Variants in MEI4 observed in about 807,000 individuals in gnomAD.
The protein encoded by MEI4 is meiosis-specific protein MEI4.
In MEI4, 27 loss-of-function variants were observed where a neutral mutation model predicts 31.4. The ratio of observed to expected loss-of-function variants is 0.86; its 90% CI spans 0.63 to 1.19. The LOEUF is 1.19. MEI4 is among the 50% of genes most tolerant of loss of function. The probability of loss-of-function intolerance (pLI) is 0.00; values close to 1 mark genes in which losing one functional copy is unlikely to be tolerated. For synonymous variants in MEI4, 122 were observed against 145.4 expected (o/e 0.84, Z 1.16); for missense variants, 329 against 398.9 (o/e 0.82, Z 1.49).
At chr6:77,751,811 A>C (rs1286547774) in intron 2 of MEI4, among the ~76,000 whole-genome samples, 1 of 152,112 alleles carries the variant, frequency 6.6e-6, no homozygotes, top group African/African-American at 2.4e-5. Context: ...GAGACACAAC[A>C]AAAAAAGAAA....
chr6:77,790,642 G>A (rs1199812203), intron 3 of MEI4, among the ~76,000 whole-genome samples: 1 of 152,094 alleles, frequency 6.6e-6, no homozygotes, highest in Non-Finnish European at 1.5e-5. Context: ...GATTCATTAT[G>A]TTTAGAGAAC....
At chr6:77,735,355 A>G (rs560181459) in intron 2 of MEI4, among the ~76,000 whole-genome samples, 2 of 151,250 alleles carry the variant, frequency 1.3e-5, no homozygotes, top group East Asian at 1.9e-4. Flanking sequence ...TTTTCTCTAA[A>G]CTTCCCTTCT....
chr6:77,887,448 C>A (rs1771650953), intron 4 of MEI4, among the ~76,000 whole-genome samples: 1 of 151,952 alleles, frequency 6.6e-6, no homozygotes, highest in African/African-American at 2.4e-5. Context: ...AGGCATCGCC[C>A]ACCACACCCG....
At chr6:77,733,051 G>A (rs2127668679) in intron 2 of MEI4, among the ~76,000 whole-genome samples, 1 of 151,904 alleles carries the variant, frequency 6.6e-6, no homozygotes, top group Middle Eastern at 3.4e-3. Context: ...GAGGATTTTT[G>A]CATCAATGTT....
rs140377116 is a variant in MEI4 at position 77,806,980 on chromosome 6, A to G, written c.769-21951A>G. On this transcript the variant is annotated intron_variant, in intron 3 of 4. Coordinates refer to ENST00000684080, the MANE Select transcript of MEI4 (RefSeq NM_001322247.2). The stretch of plus-strand genomic sequence containing the variant: ...TAATATATTTCGTATCTGACCTTTT[A>G]AGATAACCAGCGTCATAGATGATCA... 8.5e-5 allele frequency among the ~76,000 whole-genome samples: 13 copies of G among 152,230 alleles called. 1 individual carries two copies. Among genetic ancestry groups the G allele is most frequent in the Middle Eastern group, 6.8e-3 (2 of 294 alleles).
chr6:77,793,744 C>A (rs1408985160), intron 3 of MEI4, among the ~76,000 whole-genome samples: 1 of 151,950 alleles, frequency 6.6e-6, no homozygotes, highest in African/African-American at 2.4e-5. Flanking sequence ...AAATAAGGTG[C>A]TTTATGCAAG....
intron 2 of MEI4, among the ~76,000 whole-genome samples, chr6:77,744,597 C>A (rs1407759133): frequency 1.3e-5 from 2 of 152,114 alleles, no homozygotes. Context: ...GGCCAACATT[C>A]AGATTCAGGA....
chr6:77,858,063 G>C (rs1005091097), intron 4 of MEI4, among the ~76,000 whole-genome samples: 4 of 152,112 alleles, frequency 2.6e-5, no homozygotes, highest in Non-Finnish European at 5.9e-5. Flanking sequence ...TCAGGTATAA[G>C]TTTTATCTGT....
chr6:77,856,557 G>A (rs1002031271), intron 4 of MEI4, among the ~76,000 whole-genome samples: 2 of 46,040 alleles, frequency 4.3e-5, no homozygotes, highest in Admixed American at 4.6e-4. Flanking sequence ...ATTTAGTGAC[G>A]TGGTCATGAC....
At chr6:77,744,193 C>G (rs993958656) in intron 2 of MEI4, among the ~76,000 whole-genome samples, 1 of 152,074 alleles carries the variant, frequency 6.6e-6, no homozygotes, top group African/African-American at 2.4e-5. Context: ...GAAATTCAAA[C>G]CAAAGGCAAA....
intron 3 of MEI4, among the ~76,000 whole-genome samples, chr6:77,827,753 T>C (rs1239660108): frequency 6.6e-6 from 1 of 152,194 alleles, no homozygotes; most frequent in Non-Finnish European, 1.5e-5. Context: ...AAAATTCCAC[T>C]GTATTTACAA....
intron 2 of MEI4, among the ~76,000 whole-genome samples, chr6:77,745,580 G>A (rs1248779535): frequency 1.3e-5 from 2 of 152,038 alleles, no homozygotes; most frequent in East Asian, 1.9e-4. Context: ...AAGTTAACAA[G>A]GATACCCAGG....
intron 4 of MEI4, among the ~76,000 whole-genome samples, chr6:77,857,884 T>A (rs1770780764): frequency 6.6e-6 from 1 of 152,228 alleles, no homozygotes; most frequent in Non-Finnish European, 1.5e-5. Context: ...ATACTGTGCA[T>A]AGTGATGTTC....
rs1042053341 is a variant in MEI4, at chr6:77,925,464, AT to A, written c.*2119del. 1 of 151,854 alleles carries A rather than the reference AT, an allele frequency of 6.6e-6. No homozygotes were observed. The highest frequency in any genetic ancestry group is 2.4e-5 in the African/African-American group (1 of 41,392). 9.4% of individuals were successfully genotyped at this position (151,854 alleles called of 1,614,324 possible). On this transcript the variant is annotated 3_prime_UTR_variant, in exon 5 of 5. Coordinates refer to ENST00000684080, the MANE Select transcript of MEI4 (RefSeq NM_001322247.2). ...ATCTACTGGTCAAAAAGAAGATAAA[AT>A]GATAAAATGAGACATTTTTATCTGT...
chr6:77,699,443 C>T (rs1389101178), intron 2 of MEI4, among the ~76,000 whole-genome samples: 4 of 152,122 alleles, frequency 2.6e-5, no homozygotes, highest in Admixed American at 6.5e-5. Flanking sequence ...CCGCCCGCCT[C>T]GGCCTCCCAA....
At chr6:77,756,196 T>C (rs367737817) in intron 2 of MEI4, among the ~76,000 whole-genome samples, 1 of 152,164 alleles carries the variant, frequency 6.6e-6, no homozygotes, top group Non-Finnish European at 1.5e-5. Flanking sequence ...CAAACAAGAA[T>C]GGATACTTAA....
At chr6:77,852,583 TTG>T (rs1187758620) in intron 4 of MEI4, among the ~76,000 whole-genome samples, 3 of 54,124 alleles carry the variant, frequency 5.5e-5, no homozygotes, top group African/African-American at 1.1e-4. Flanking sequence ...TTGTTGTTGT[TTG>T]TTTTTTTTTT....
At chr6:77,756,576 A>G (rs896261616) in intron 2 of MEI4, among the ~76,000 whole-genome samples, 6 of 151,650 alleles carry the variant, frequency 4.0e-5, no homozygotes, top group Admixed American at 2.6e-4. Context: ...TGCAATAGCC[A>G]TATTCTTTTG....
At chr6:77,880,160 A>G (rs111800470) in intron 4 of MEI4, among the ~76,000 whole-genome samples, 6 of 150,702 alleles carry the variant, frequency 4.0e-5, no homozygotes, top group Admixed American at 1.3e-4. Flanking sequence ...CCACATTGCC[A>G]GAGTAGAAGC....
Sources: gnomAD v4.1 joint callset for allele counts (sites outside exome capture counted in the v4.1 genomes callset) on GRCh38, gnomAD v4.1.1 for gene constraint, MANE v1.5 for transcripts, NCBI Gene and HGNC (gene_info 2026-07-23, HGNC 2026-07-21) for gene names.